The following RFWD3 variants were observed in gnomAD, a reference collection of about 807,000 sequenced individuals.
The protein encoded by RFWD3 is ring finger and WD repeat domain 3.
A neutral mutation model predicts 87.7 loss-of-function variants in RFWD3; 65 were observed. That is an observed-to-expected ratio of 0.74 (90% CI 0.61 to 0.91). The LOEUF (loss-of-function observed/expected upper bound fraction) is 0.91. RFWD3 is among the 40% of genes least tolerant of loss of function. RFWD3 has a pLI of 0.00. For missense variants in RFWD3, 1,078 were observed against 938.5 expected (o/e 1.15, Z -1.94); for synonymous variants, 433 against 352.8 (o/e 1.23, Z -2.55).
At chr16:74,626,059 T>C (rs1421036313) in intron 12 of RFWD3, among the ~76,000 whole-genome samples, 1 of 152,092 alleles carries the variant, frequency 6.6e-6, no homozygotes, top group Non-Finnish European at 1.5e-5. Flanking sequence ...GGTGGTGGGG[T>C]GCCTGTAATC....
intron 4 of RFWD3, among the ~76,000 whole-genome samples, chr16:74,647,760 C>G (rs931441094): frequency 1.3e-5 from 2 of 150,058 alleles, no homozygotes; most frequent in African/African-American, 2.5e-5. Context: ...CCCAGCTAAT[C>G]TTTGCATTTT....
chr16:74,636,215 C>T (rs988428195), intron 8 of RFWD3, 131 bp downstream of exon 8: 9 of 753,378 alleles, frequency 1.2e-5, no homozygotes, highest in East Asian at 1.0e-4. Flanking sequence ...CCCTGGGGTA[C>T]TTGCATTAAC....
At chr16:74,666,710 C>A (rs1290939228) in intron 1 of RFWD3, 76 bp downstream of exon 1, 1 of 150,108 alleles carries the variant, frequency 6.7e-6, no homozygotes, top group Non-Finnish European at 1.5e-5. Flanking sequence ...GAATCCCAAT[C>A]CAGGAATCAG....
Position 74,636,531 on chromosome 16 carries a change from G to C in RFWD3, c.1241C>G (p.Pro414Arg). ...TSHQSQNLQQ[P>R]RGSQAWVLSC... ...CAGGACCCATGCTTGGGAGCCCCTG[G>C]GTTGCTGTAAATTCTGACTTTGATG... The change falls in exon 8 of 13, where the codon CCC becomes CGC. Residue 414 changes from proline (P) to arginine (R), a missense_variant. Pro to Arg is a moderately radical substitution (Grantham distance 103, BLOSUM62 -2). Transcript: ENST00000361070. 1 of 1,613,816 alleles carries C rather than the reference G, an allele frequency of 6.2e-7. No individual in the cohort carries two copies. The highest frequency in any genetic ancestry group is 8.5e-7 in the Non-Finnish European group (1 of 1,180,004).
chr16:74,660,177 A>T (rs562151730), intron 2 of RFWD3, among the ~76,000 whole-genome samples: 17 of 152,170 alleles, frequency 1.1e-4, no homozygotes, highest in Non-Finnish European at 1.5e-4. Flanking sequence ...TAACTCCTCT[A>T]TTCTATAGTT....
At chr16:74,661,552 C>T (rs1470718151) in intron 1 of RFWD3, 101 bp from the exon 2 acceptor site, 1 of 1,113,056 alleles carries the variant, frequency 9.0e-7, no homozygotes, top group African/African-American at 1.6e-5. Flanking sequence ...TGTTTAATAT[C>T]ATTCTTAGCA....
intron 3 of RFWD3, among the ~76,000 whole-genome samples, chr16:74,649,803 T>C (rs1960432992): frequency 6.6e-6 from 1 of 152,192 alleles, no homozygotes; most frequent in Admixed American, 6.5e-5. Flanking sequence ...TTTATTACAA[T>C]TCCCCCTCAC....
chr16:74,637,122 T>TAAAAAAA (rs759556308), intron 7 of RFWD3, among the ~76,000 whole-genome samples: 13 of 101,788 alleles, frequency 1.3e-4, no homozygotes, highest in Admixed American at 2.3e-4. Flanking sequence ...TAAAGTCCTT[T>TAAAAAAA]AAAAAAAAAA....
chr16:74,651,415 T>C (rs1960556111), intron 3 of RFWD3, among the ~76,000 whole-genome samples: 1 of 152,058 alleles, frequency 6.6e-6, no homozygotes, highest in Admixed American at 6.6e-5. Context: ...CTCAGGAGTT[T>C]ATGACCAGCC....
chr16:74,626,935 G>GC (rs1211160071), intron 11 of RFWD3, among the ~76,000 whole-genome samples: 2 of 152,122 alleles, frequency 1.3e-5, no homozygotes, highest in Admixed American at 1.3e-4. Flanking sequence ...AACCTCATTA[G>GC]CCCCTGGGAC....
At position 74,660,897 on chromosome 16, in the gene RFWD3, G is replaced by A. The variant is rs752328930; in HGVS notation, c.518+35C>T. 28 of 1,575,032 alleles carry A rather than the reference G, an allele frequency of 1.8e-5. 1 individual carries two copies. The Admixed American group carries it at 4.1e-4, about 23-fold the overall frequency. ...CCTCAGTTTCATAATTTCTAGTACAGCAATGATCACAGACTTATCCATATA... is the reference window on the plus strand; with the variant it reads ...CCTCAGTTTCATAATTTCTAGTACAACAATGATCACAGACTTATCCATATA... On this transcript the variant is annotated intron_variant, in intron 2 of 12. Coordinates refer to ENST00000361070, the MANE Select transcript of RFWD3 (RefSeq NM_018124.4).
At chr16:74,651,122 G>C (rs191113065) in intron 3 of RFWD3, among the ~76,000 whole-genome samples, 20 of 152,168 alleles carry the variant, frequency 1.3e-4, no homozygotes, top group Admixed American at 1.1e-3. Flanking sequence ...CATAATCCAA[G>C]AATATTCTTT....
chr16:74,644,216 G>C, intron 6 of RFWD3, 146 bp downstream of exon 6: 1 of 770,082 alleles, frequency 1.3e-6, no homozygotes, highest in South Asian at 1.5e-5. Context: ...AAATAACAGT[G>C]TAAGACAGAC....
intron 7 of RFWD3, 103 bp from the exon 8 acceptor site, chr16:74,636,680 G>A: frequency 1.1e-6 from 1 of 888,800 alleles, no homozygotes. Flanking sequence ...TCCATTATAT[G>A]AAAGTGTTAA....
At chr16:74,654,954 G>A (rs911381264) in intron 2 of RFWD3, among the ~76,000 whole-genome samples, 2 of 152,202 alleles carry the variant, frequency 1.3e-5, no homozygotes, top group African/African-American at 4.8e-5. Flanking sequence ...AGAAAGCAGA[G>A]GCTGGTTCAT....
intron 10 of RFWD3, 33 bp downstream of exon 10, chr16:74,630,748 C>A (rs1428825675): frequency 6.5e-7 from 1 of 1,545,782 alleles, no homozygotes; most frequent in Non-Finnish European, 8.7e-7. Flanking sequence ...GAGAAAGCTG[C>A]TACCACCAGG....
intron 2 of RFWD3, among the ~76,000 whole-genome samples, chr16:74,653,571 G>A (rs952955331): frequency 2.0e-5 from 3 of 152,154 alleles, no homozygotes; most frequent in African/African-American, 7.2e-5. Flanking sequence ...CCAGCACTCT[G>A]GAAAGCCAAG....
At position 74,630,770 on chromosome 16, in the gene RFWD3, T is replaced by TGG; in HGVS notation, c.1754+9_1754+10dup. On this transcript the variant is annotated intron_variant, in intron 10 of 12. Transcript: ENST00000361070. Reference sequence around the variant, plus strand: ...CTGCTACCACCAGGAAAAGAGTGAGTGGCTCCCTACCTGGCTTTCTGAGCT... The same window carrying TGG: ...CTGCTACCACCAGGAAAAGAGTGAGTGGGGCTCCCTACCTGGCTTTCTGAGCT... The TGG allele has an allele frequency of 6.3e-7, 1 of 1,578,902 alleles. No individual in the cohort carries two copies. The highest frequency in any genetic ancestry group is 8.6e-7 in the Non-Finnish European group (1 of 1,163,592).
chr16:74,633,811 G>A (rs188863468), intron 8 of RFWD3, among the ~76,000 whole-genome samples: 6 of 152,056 alleles, frequency 3.9e-5, no homozygotes, highest in African/African-American at 1.2e-4. Context: ...TTAGCTGGGC[G>A]TAGTGGGGCG....
Sources: gnomAD v4.1 joint callset for allele counts (sites outside exome capture counted in the v4.1 genomes callset) on GRCh38, gnomAD v4.1.1 for gene constraint, MANE v1.5 for transcripts, NCBI Gene and HGNC (gene_info 2026-07-23, HGNC 2026-07-21) for gene names.